UTP23: variants seen among roughly 807,000 people sequenced by gnomAD.
The protein encoded by UTP23 is UTP23 small subunit processome component.
Under a neutral mutation model 19.8 loss-of-function variants are expected in UTP23, and 10 were observed. The ratio of observed to expected loss-of-function variants is 0.50; its 90% CI spans 0.31 to 0.86. UTP23 has a LOEUF of 0.86. Among genes scored for constraint, UTP23 ranks in the 40% least tolerant of loss-of-function variants. The pLI is 0.05. For missense variants in UTP23, 282 were observed against 293.1 expected (o/e 0.96, Z 0.28); for synonymous variants, 108 against 105.4 (o/e 1.02, Z -0.15).
rs188935823 is a variant in UTP23 at position 116,766,740 on chromosome 8, G to C, written c.137G>C (p.Arg46Pro). 136 of 1,601,740 alleles carry C rather than the reference G, an allele frequency of 8.5e-5. 1 individual carries two copies. The African/African-American group carries it at 1.5e-3, about 17-fold the overall frequency. Residue 46 changes from arginine to proline, a missense_variant, in exon 1 of 3, where the codon CGG becomes CCG. Physicochemically the swap from Arg to Pro is moderately radical, Grantham distance 103. Transcript: ENST00000309822. ...GCGCTGCGGGGCCGCATCCAGCTGC[G>C]GGAGCAGCTGCCCCGCTACCTCATG... ...QAALRGRIQL[R>P]EQLPRYLMGE...
chr8:116,771,465 TTGTC>T lies in UTP23; in HGVS notation c.377_380del (p.Ser126Ter), dbSNP rs1377904145. 1 of 1,487,166 alleles carries T rather than the reference TTGTC, an allele frequency of 6.7e-7. No individual in the cohort carries two copies. The highest frequency in any genetic ancestry group is 8.9e-7 in the Non-Finnish European group (1 of 1,120,878). 92.1% of individuals were successfully genotyped at this position (1,487,166 alleles called of 1,614,324 possible). On this transcript the variant is annotated frameshift_variant, in exon 3 of 3. Transcript: ENST00000309822. LOFTEE classifies it high-confidence loss of function. ...GTTTTCTTTTAAATAGGATCAGAATTTGTCTGTGAAAGTAAAAAAGAAGCCTGGA... is the reference window on the plus strand; with the variant it reads ...GTTTTCTTTTAAATAGGATCAGAATTTGTGAAAGTAAAAAAGAAGCCTGGA...
Position 116,773,163 on chromosome 8 carries a change from A to G in UTP23, c.*1321A>G. Reference sequence around the variant, plus strand: ...CAAGCCAAGGTAGTGTTTGGATTGCAATGTCATGATTCTATTTTAAATTCT... The same window carrying G: ...CAAGCCAAGGTAGTGTTTGGATTGCGATGTCATGATTCTATTTTAAATTCT... On this transcript the variant is annotated 3_prime_UTR_variant, in exon 3 of 3. Coordinates refer to ENST00000309822, the MANE Select transcript of UTP23 (RefSeq NM_032334.3). 1.0e-6 allele frequency: 1 copy of G among 985,454 alleles called. No individual in the cohort carries two copies. Among genetic ancestry groups the G allele is most frequent in the Non-Finnish European group, 1.2e-6 (1 of 829,936 alleles). The allele number at this position is 985,454 out of a possible 1,614,324, so 61.0% of individuals were successfully genotyped here.
Position 116,772,072 on chromosome 8 carries a change from C to G in UTP23, c.*230C>G. On this transcript the variant is annotated 3_prime_UTR_variant, in exon 3 of 3. Coordinates refer to ENST00000309822, the MANE Select transcript of UTP23 (RefSeq NM_032334.3). Reference sequence around the variant, plus strand: ...TGGTGCACAGTTGTAATTCCAGCTACTCAGGAGGCTGAGGCATGAGAATCG... The same window carrying G: ...TGGTGCACAGTTGTAATTCCAGCTAGTCAGGAGGCTGAGGCATGAGAATCG... 8.8e-7 allele frequency: 1 copy of G among 1,142,156 alleles called. No individual in the cohort carries two copies. Among genetic ancestry groups the G allele is most frequent in the Non-Finnish European group, 1.1e-6 (1 of 925,754 alleles). The allele number at this position is 1,142,156 out of a possible 1,614,324, so 70.8% of individuals were successfully genotyped here.
chr8:116,766,546 G>GC lies in UTP23; in HGVS notation c.-57dup, dbSNP rs1815578746. The GC allele has an allele frequency of 2.6e-5, 40 of 1,560,596 alleles. No individual in the cohort carries two copies. The South Asian group carries it at 2.9e-4, about 11-fold the overall frequency. The stretch of plus-strand genomic sequence containing the variant: ...ACTGGCATTGAGGGTACTGGGGCGT[G>GC]CGTGAGGCGTTTACTGATGCTTCCT... On this transcript the variant is annotated 5_prime_UTR_variant, in exon 1 of 3. Coordinates refer to ENST00000309822, the MANE Select transcript of UTP23 (RefSeq NM_032334.3).
rs1418159263 is a variant in UTP23, at chr8:116,770,326, T to C, written c.323T>C (p.Val108Ala). 15 of 1,613,678 alleles carry C rather than the reference T, an allele frequency of 9.3e-6. No homozygotes were observed. Among genetic ancestry groups the C allele is most frequent in the Non-Finnish European group, 1.3e-5 (15 of 1,179,742 alleles). The change falls in exon 2 of 3, where the codon GTT becomes GCT. Residue 108 changes from valine (V) to alanine (A), a missense_variant. Val to Ala is a moderately conservative substitution (Grantham distance 64). Transcript: ENST00000309822. ...GGATCAGAATGTCTGCTTTCCATGG[T>C]TGAAGAGGGAAATCCTCATCATTAT... ...VSGSECLLSMVEEGNPHHYFV... is the reference protein window; with the variant it reads ...VSGSECLLSMAEEGNPHHYFV...
At chr8:116,771,326 A>C (rs1815647632) in intron 2 of UTP23, 130 bp from the exon 3 acceptor site, 1 of 742,004 alleles carries the variant, frequency 1.3e-6, no homozygotes, top group Non-Finnish European at 2.0e-6. Flanking sequence ...TACTCAAATG[A>C]ATAAGTGAGG....
At chr8:116,768,382 A>C (rs1815611973) in intron 1 of UTP23, among the ~76,000 whole-genome samples, 1 of 152,228 alleles carries the variant, frequency 6.6e-6, no homozygotes, top group South Asian at 2.1e-4. Flanking sequence ...GCCACATAAA[A>C]TTATATTCTA....
At chr8:116,768,487 GTTA>G (rs1815612962) in intron 1 of UTP23, among the ~76,000 whole-genome samples, 1 of 152,142 alleles carries the variant, frequency 6.6e-6, no homozygotes, top group South Asian at 2.1e-4. Flanking sequence ...AGCTTTTGCA[GTTA>G]TTAACATGGC....
At chr8:116,770,127 C>A in intron 1 of UTP23, 65 bp from the exon 2 acceptor site, 4 of 1,391,504 alleles carry the variant, frequency 2.9e-6, no homozygotes, top group South Asian at 1.7e-5. Flanking sequence ...AAGAAAAAAT[C>A]GACTATTGTT....
At chr8:116,771,398 C>G in intron 2 of UTP23, 58 bp from the exon 3 acceptor site, 1 of 1,311,520 alleles carries the variant, frequency 7.6e-7, no homozygotes, top group Non-Finnish European at 1.0e-6. Context: ...TCTTGAAAAC[C>G]TATTTAAGGT....
At chr8:116,768,537 G>C (rs1815613627) in intron 1 of UTP23, among the ~76,000 whole-genome samples, 1 of 151,998 alleles carries the variant, frequency 6.6e-6, no homozygotes, top group African/African-American at 2.4e-5. Context: ...CTTACTGATG[G>C]GTTGCTTTGG....
rs1475796418 is a variant in UTP23 at position 116,773,084 on chromosome 8, C to A, written c.*1242C>A. On this transcript the variant is annotated 3_prime_UTR_variant, in exon 3 of 3. Coordinates refer to ENST00000309822, the MANE Select transcript of UTP23 (RefSeq NM_032334.3). ...ATTTGAATTCAGAGATACTTCTTTG[C>A]TGGAAGTTGGAATTATAGCTTTACA... 5 of 985,202 alleles carry A rather than the reference C, an allele frequency of 5.1e-6. No homozygotes were observed. The highest frequency in any genetic ancestry group is 4.7e-5 in the South Asian group (1 of 21,290). The allele number at this position is 985,202 out of a possible 1,614,324, so 61.0% of individuals were successfully genotyped here. A position where few individuals can be genotyped will look rare whatever the true frequency, so the allele number is the denominator to read the frequency against.
At position 116,773,419 on chromosome 8, in the gene UTP23, G is replaced by A; in HGVS notation, c.*1577G>A. The A allele has an allele frequency of 1.0e-6, 1 of 978,048 alleles. No individual in the cohort carries two copies. The highest frequency in any genetic ancestry group is 1.2e-6 in the Non-Finnish European group (1 of 823,250). 60.6% of individuals were successfully genotyped at this position (978,048 alleles called of 1,614,324 possible). A position where few individuals can be genotyped will look rare whatever the true frequency, so the allele number is the denominator to read the frequency against. ...TATTTCTACTTAGTCAGTGCTATCTGATTACCTGTTAATAGCATCTGAACT... is the reference window on the plus strand; with the variant it reads ...TATTTCTACTTAGTCAGTGCTATCTAATTACCTGTTAATAGCATCTGAACT... On this transcript the variant is annotated 3_prime_UTR_variant, in exon 3 of 3. Coordinates refer to ENST00000309822, the MANE Select transcript of UTP23 (RefSeq NM_032334.3).
At position 116,771,627 on chromosome 8, in the gene UTP23, A is replaced by G. The variant is rs1221666319; in HGVS notation, c.535A>G (p.Lys179Glu). 6.2e-7 allele frequency: 1 copy of G among 1,610,528 alleles called. No individual in the cohort carries two copies. The highest frequency in any genetic ancestry group is 2.2e-5 in the East Asian group (1 of 44,848). ...TGAGAAAGAAAGTATCAAACATCTC[A>G]AAGAGGAACAGGGTTTAGTGAAAAA... ...VHEKESIKHL[K>E]EEQGLVKNTE... The change falls in exon 3 of 3, where the codon AAA (lysine) becomes GAA (glutamate). Residue 179 changes from lysine to glutamate, a missense_variant. Physicochemically the swap from Lys to Glu is moderately conservative, Grantham distance 56 (BLOSUM62 1). Coordinates refer to ENST00000309822, the MANE Select transcript of UTP23 (RefSeq NM_032334.3).
chr8:116,771,780 A>C lies in UTP23; in HGVS notation c.688A>C (p.Arg230=). The C allele has an allele frequency of 1.9e-6, 3 of 1,605,974 alleles. No homozygotes were observed. The highest frequency in any genetic ancestry group is 2.5e-6 in the Non-Finnish European group (3 of 1,178,288). The stretch of plus-strand genomic sequence containing the variant: ...TTCTGAAAAGAAAAGAAAAAGAAAA[A>C]GAATTCGGAACAGATCTAACCCAAA... ...SASEKKRKRK[R]IRNRSNPKVL... The change falls in exon 3 of 3, where the codon AGA becomes CGA. Residue 230 remains arginine, a synonymous_variant. Coordinates refer to ENST00000309822, the MANE Select transcript of UTP23 (RefSeq NM_032334.3).
In UTP23 at chr8:116,766,739, C is replaced by A; in HGVS notation, c.136C>A (p.Arg46=). 1.2e-6 allele frequency: 2 copies of A among 1,603,180 alleles called. No individual in the cohort carries two copies. The highest frequency in any genetic ancestry group is 1.7e-6 in the Non-Finnish European group (2 of 1,174,762). ...QAALRGRIQL[R]EQLPRYLMGE... ...GGCGCTGCGGGGCCGCATCCAGCTGCGGGAGCAGCTGCCCCGCTACCTCAT... is the reference window on the plus strand; with the variant it reads ...GGCGCTGCGGGGCCGCATCCAGCTGAGGGAGCAGCTGCCCCGCTACCTCAT... The change falls in exon 1 of 3, where the codon CGG becomes AGG. Residue 46 remains arginine (R), a synonymous_variant. Coordinates refer to ENST00000309822, the MANE Select transcript of UTP23 (RefSeq NM_032334.3).
intron 1 of UTP23, among the ~76,000 whole-genome samples, chr8:116,768,956 T>A (rs563931089): frequency 6.6e-6 from 1 of 152,232 alleles, no homozygotes. Flanking sequence ...TGAGCCACCA[T>A]GCCAGGCAGT....
In UTP23 at chr8:116,766,602, G is replaced by C. The variant is rs1267038974; in HGVS notation, c.-2G>C. ...GGTGGCCTCGGTCCCGGTAAGCCAG[G>C]CATGAAGATCACAAGGCAGAAACAT... On this transcript the variant is annotated 5_prime_UTR_variant, in exon 1 of 3. Transcript: ENST00000309822. 2 of 1,611,754 alleles carry C rather than the reference G, an allele frequency of 1.2e-6. No homozygotes were observed. Among genetic ancestry groups the C allele is most frequent in the Admixed American group, 3.4e-5 (2 of 59,654 alleles).
rs1815680264 is a variant in UTP23, at chr8:116,773,069, A to G, written c.*1227A>G. The G allele has an allele frequency of 1.0e-6, 1 of 985,338 alleles. No homozygotes were observed. Among genetic ancestry groups the G allele is most frequent in the Non-Finnish European group, 1.2e-6 (1 of 829,864 alleles). The allele number at this position is 985,338 out of a possible 1,614,324, so 61.0% of individuals were successfully genotyped here. A position where few individuals can be genotyped will look rare whatever the true frequency, so the allele number is the denominator to read the frequency against. On this transcript the variant is annotated 3_prime_UTR_variant, in exon 3 of 3. Coordinates refer to ENST00000309822, the MANE Select transcript of UTP23 (RefSeq NM_032334.3). Reference sequence around the variant, plus strand: ...AGAAATGTCATTCTCATTTGAATTCAGAGATACTTCTTTGCTGGAAGTTGG... The same window carrying G: ...AGAAATGTCATTCTCATTTGAATTCGGAGATACTTCTTTGCTGGAAGTTGG...
Sources: gnomAD v4.1 joint callset for allele counts (sites outside exome capture counted in the v4.1 genomes callset) on GRCh38, gnomAD v4.1.1 for gene constraint, MANE v1.5 for transcripts, NCBI Gene and HGNC (gene_info 2026-07-23, HGNC 2026-07-21) for gene names.